Variants in TUB observed in about 807,000 individuals in gnomAD.
TUB encodes TUB bipartite transcription factor, also known as tubby protein homolog.
Under a neutral mutation model 59.7 loss-of-function variants are expected in TUB, and 33 were observed. The observed-to-expected ratio is 0.55, with a 90% confidence interval of 0.42 to 0.74. TUB has a LOEUF of 0.74. Ranked by LOEUF, TUB falls within the 30% of genes least tolerant of loss-of-function variation. TUB has a pLI of 0.00. For missense variants in TUB, 659 were observed against 672.0 expected, an observed-to-expected ratio of 0.98 and a Z score of 0.21; for synonymous variants, 293 against 256.4, an observed-to-expected ratio of 1.14 and a Z score of -1.36.
chr11:8,096,954 C>A, intron 6 of TUB, 148 bp downstream of exon 6: 1 of 956,560 alleles, frequency 1.0e-6, no homozygotes, highest in Non-Finnish European at 1.6e-6. Context: ...CTAACCTCTT[C>A]AGCTAGGCCA....
At position 8,049,578 on chromosome 11, in the gene TUB, T is replaced by TATATATATATATATATAG. The variant is rs1055522231; in HGVS notation, c.203+9889_203+9890insTATATATATATATAGATA. On this transcript the variant is annotated intron_variant, in intron 2 of 12. Coordinates refer to the TUB transcript ENST00000305253. ...ATTATGTGGTATATATATATATATATATAGATAGATAGATAGATAGATAGA... is the reference window on the plus strand; with the variant it reads ...ATTATGTGGTATATATATATATATATATATATATATATATATAGATAGATAGATAGATAGATAGATAGA... Among the ~76,000 whole-genome samples, 621 of 85,864 alleles carry TATATATATATATATATAG rather than the reference T, an allele frequency of 7.2e-3. 3 individuals are homozygous for TATATATATATATATATAG. The highest frequency in any genetic ancestry group is 0.03 in the Admixed American group (259 of 8,520). 56.3% of individuals were successfully genotyped at this position (85,864 alleles called of 152,430 possible).
At chr11:8,047,582 T>C (rs909301976) in intron 2 of TUB, among the ~76,000 whole-genome samples, 15 of 152,192 alleles carry the variant, frequency 9.9e-5, no homozygotes, top group Non-Finnish European at 2.2e-4. Context: ...GCAGAAGGGC[T>C]CTGTGCAGCA....
chr11:8,078,199 A>G (rs1397976272), upstream of TUB, among the ~76,000 whole-genome samples: 1 of 151,446 alleles, frequency 6.6e-6, no homozygotes, highest in African/African-American at 2.4e-5. Flanking sequence ...GGGCTGCTTC[A>G]CTCCCCATGC....
intron 1 of TUB, among the ~76,000 whole-genome samples, chr11:8,026,885 A>G (rs1256681333): frequency 6.6e-6 from 1 of 152,198 alleles, no homozygotes; most frequent in African/African-American, 2.4e-5. Context: ...CTTCCAATTC[A>G]TGAACATGGT....
In TUB at chr11:8,103,574, G is replaced by A. The variant is rs1018475015; in HGVS notation, c.*1955G>A. ...CCACACCTCGGCCGTACATCTCTGT[G>A]AGAGACCCCCTCCAACGATTAGCTT... On this transcript the variant is annotated 3_prime_UTR_variant, in exon 12 of 12. Coordinates refer to ENST00000299506, the MANE Select transcript of TUB (RefSeq NM_177972.3). The A allele has an allele frequency of 2.0e-5, 3 of 152,644 alleles. No homozygotes were observed. The highest frequency in any genetic ancestry group is 2.9e-5 in the Non-Finnish European group (2 of 68,046). The allele number at this position is 152,644 out of a possible 1,614,324, so 9.5% of individuals were successfully genotyped here.
chr11:8,041,492 T>C (rs1679347050), intron 2 of TUB, among the ~76,000 whole-genome samples: 1 of 152,216 alleles, frequency 6.6e-6, no homozygotes, highest in Admixed American at 6.5e-5. Context: ...AAGAGAATCT[T>C]GGCTTGTTGT....
Position 8,095,657 on chromosome 11 carries a change from A to G in TUB, c.557A>G (p.Gln186Arg). 3 of 1,599,842 alleles carry G rather than the reference A, an allele frequency of 1.9e-6. No homozygotes were observed. The highest frequency in any genetic ancestry group is 2.6e-6 in the Non-Finnish European group (3 of 1,173,414). The change falls in exon 5 of 12, where the codon CAG (glutamine) becomes CGG (arginine). Residue 186 changes from glutamine to arginine, a missense_variant. Coordinates refer to ENST00000299506, the MANE Select transcript of TUB (RefSeq NM_177972.3). ...GGGCAGGATCTCCGTGCCACGATGC[A>G]GAGGAAGGGTGAGCCCCATGGGGAC... is the stretch of plus-strand genomic sequence containing the variant. ...PSGQDLRATM[Q>R]RKGISSSMSF... is the part of the protein sequence containing the mutation.
rs1026860997 is a variant in TUB, at chr11:8,097,108, A to C, written c.688-120A>C. ...CCCAGGCCCAGGCTGGCCAGGCCCC[A>C]ATCCCAGGATCCTTCCCTCTCTCCC... On this transcript the variant is annotated intron_variant, in intron 6 of 11. Coordinates refer to ENST00000299506, the MANE Select transcript of TUB (RefSeq NM_177972.3). The C allele has an allele frequency of 5.7e-5, 66 of 1,165,740 alleles. No individual in the cohort carries two copies. In the African/African-American group the frequency reaches 7.2e-4, roughly 13 times the overall value. The allele number at this position is 1,165,740 out of a possible 1,614,324, so 72.2% of individuals were successfully genotyped here. A position where few individuals can be genotyped will look rare whatever the true frequency, so the allele number is the denominator to read the frequency against.
At chr11:8,022,101 A>G (rs2133695580) in intron 1 of TUB, among the ~76,000 whole-genome samples, 1 of 152,310 alleles carries the variant, frequency 6.6e-6, no homozygotes, top group Non-Finnish European at 1.5e-5. Context: ...ATCCAGGGGT[A>G]GGACCTGGGC....
In TUB at chr11:8,089,969, A is replaced by C. The variant is rs544595454; in HGVS notation, c.91-100A>C. The C allele has an allele frequency of 3.6e-3, 5,091 of 1,433,242 alleles. 16 individuals are homozygous for C. Among genetic ancestry groups the C allele is most frequent in the Non-Finnish European group, 4.3e-3 (4,596 of 1,080,018 alleles). The allele number at this position is 1,433,242 out of a possible 1,614,324, so 88.8% of individuals were successfully genotyped here. ...CCCCAAGTGTTGGGGTGCCAAGGAC[A>C]TGGGGCCTTGGCCCAAGGTGGGCTG... On this transcript the variant is annotated intron_variant, in intron 2 of 11. Coordinates refer to ENST00000299506, the MANE Select transcript of TUB (RefSeq NM_177972.3).
chr11:8,072,119 G>GACC (rs1262162014), intron 2 of TUB, among the ~76,000 whole-genome samples: 1 of 152,220 alleles, frequency 6.6e-6, no homozygotes, highest in Non-Finnish European at 1.5e-5. Flanking sequence ...GCTGTGATCG[G>GACC]ACCAGGAGTC....
intron 7 of TUB, 30 bp from the exon 8 acceptor site, chr11:8,097,684 C>G: frequency 6.4e-7 from 1 of 1,571,596 alleles, no homozygotes; most frequent in South Asian, 1.1e-5. Context: ...GAGGCTGAGT[C>G]TGGAATATGA....
At chr11:8,092,189 C>A (rs1436578901) in intron 3 of TUB, among the ~76,000 whole-genome samples, 2 of 152,194 alleles carry the variant, frequency 1.3e-5, no homozygotes, top group African/African-American at 4.8e-5. Context: ...CACCTGTAAT[C>A]CCAACACTTT....
chr11:8,047,249 A>G (rs769293669), intron 2 of TUB, among the ~76,000 whole-genome samples: 3 of 152,154 alleles, frequency 2.0e-5, no homozygotes, highest in Non-Finnish European at 4.4e-5. Context: ...TTCACCTGGT[A>G]GACTTCTCAC....
At chr11:8,030,353 C>G (rs1410602769) in intron 1 of TUB, among the ~76,000 whole-genome samples, 1 of 152,188 alleles carries the variant, frequency 6.6e-6, no homozygotes, top group Non-Finnish European at 1.5e-5. Context: ...TGCCTTCACT[C>G]TGGAAAATCC....
chr11:8,093,353 G>A (rs2133847895), intron 3 of TUB, among the ~76,000 whole-genome samples: 1 of 152,276 alleles, frequency 6.6e-6, no homozygotes, highest in African/African-American at 2.4e-5. Context: ...GCAACTCTTG[G>A]TGCCCCAGAG....
intron 1 of TUB, among the ~76,000 whole-genome samples, chr11:8,027,577 C>T (rs1054552084): frequency 2.0e-5 from 3 of 152,098 alleles, no homozygotes; most frequent in Admixed American, 6.5e-5. Context: ...GGCAGTGGCG[C>T]GACCTCAGCT....
intron 2 of TUB, among the ~76,000 whole-genome samples, chr11:8,059,602 G>A (rs1405892025): frequency 6.6e-6 from 1 of 152,176 alleles, no homozygotes; most frequent in Non-Finnish European, 1.5e-5. Flanking sequence ...GCTGAGGCAG[G>A]AGATGAGAAA....
intron 1 of TUB, among the ~76,000 whole-genome samples, chr11:8,029,615 C>G (rs1589920270): frequency 6.6e-6 from 1 of 152,240 alleles, no homozygotes; most frequent in African/African-American, 2.4e-5. Context: ...TCTCAAACTC[C>G]TGACCTCAGG....
Sources: allele counts gnomAD v4.1 joint callset (sites outside exome capture counted in the v4.1 genomes callset), GRCh38; gene constraint gnomAD v4.1.1; transcripts MANE v1.5; gene names NCBI Gene and HGNC (gene_info 2026-07-23, HGNC 2026-07-21).